The following MGST1 variants were observed in gnomAD, a reference collection of about 807,000 sequenced individuals.
The protein encoded by MGST1 is microsomal glutathione S-transferase 1.
MGST1 carries 5 observed loss-of-function variants against 8.9 expected under a neutral mutation model. The observed-to-expected ratio is 0.56, with a 90% CI of 0.29 to 1.19. The LOEUF (loss-of-function observed/expected upper bound fraction) is 1.19. Ranked by LOEUF, MGST1 falls within the 50% of genes most tolerant of loss-of-function variation. MGST1 has a pLI of 0.08. For synonymous variants in MGST1, 54 were observed against 67.8 expected (o/e 0.80, Z 1.00); for missense variants, 182 against 187.4 (o/e 0.97, Z 0.17).
intron 4 of MGST1, among the ~76,000 whole-genome samples, chr12:16,509,405 A>AAAACACT (rs1390869048): frequency 4.6e-5 from 7 of 152,076 alleles, no homozygotes; most frequent in African/African-American, 1.4e-4. Context: ...GGATTTTCAT[A>AAAACACT]GTGTTTAGCA....
chr12:16,359,573 A>C (rs1410159795), intron 3 of MGST1, among the ~76,000 whole-genome samples: 1 of 152,248 alleles, frequency 6.6e-6, no homozygotes, highest in African/African-American at 2.4e-5. Flanking sequence ...AAACAGCAGA[A>C]CAATATCAAA....
At chr12:16,404,412 AT>A (rs1940683333) in intron 1 of MGST1, among the ~76,000 whole-genome samples, 1 of 152,028 alleles carries the variant, frequency 6.6e-6, no homozygotes, top group Admixed American at 6.5e-5. Flanking sequence ...TTTACAGTGC[AT>A]TTAGTTCATT....
rs192001172 is a variant in MGST1, at chr12:16,548,950, C to T, written n.483-40578C>T. On this transcript the variant is annotated intron_variant and non_coding_transcript_variant, in intron 4 of 4. Coordinates refer to the MGST1 transcript ENST00000538857. This position sits in a 1 kb window ranked among gnomAD's most constrained non-coding sequence, Gnocchi z 4.2. Reference sequence around the variant, plus strand: ...AGCAGTGAAAACCTTGTTTGGTCTTCCAGTGGCAAGGATAGTTGAACAACT... The same window carrying T: ...AGCAGTGAAAACCTTGTTTGGTCTTTCAGTGGCAAGGATAGTTGAACAACT... The T allele has an allele frequency of 5.3e-5, 8 of 152,200 alleles. No homozygotes were observed. 9.4% of individuals were successfully genotyped at this position (152,200 alleles called of 1,614,324 possible). A position where few individuals can be genotyped will look rare whatever the true frequency, so the allele number is the denominator to read the frequency against.
chr12:16,529,426 G>A (rs537930650), intron 4 of MGST1, among the ~76,000 whole-genome samples: 1 of 152,196 alleles, frequency 6.6e-6, no homozygotes, highest in East Asian at 1.9e-4. Context: ...CAACAAGGCT[G>A]TCCATGATTC....
chr12:16,357,241 C>A (rs1458488708), intron 2 of MGST1, among the ~76,000 whole-genome samples: 2 of 152,036 alleles, frequency 1.3e-5, no homozygotes, highest in Non-Finnish European at 2.9e-5. Context: ...TAGAATATCC[C>A]CATGTTATTT....
intron 4 of MGST1, among the ~76,000 whole-genome samples, chr12:16,521,001 A>C (rs942683556): frequency 1.3e-5 from 2 of 152,078 alleles, no homozygotes; most frequent in Non-Finnish European, 1.5e-5. Flanking sequence ...TAATAAGCAC[A>C]CTTCCAATTC....
chr12:16,528,014 A>T (rs1056496255), intron 4 of MGST1, among the ~76,000 whole-genome samples: 2 of 152,030 alleles, frequency 1.3e-5, no homozygotes, highest in Non-Finnish European at 2.9e-5. Context: ...GTTTAAATCC[A>T]GATCTGTTGA....
chr12:16,476,645 G>A (rs1941325523), intron 4 of MGST1, among the ~76,000 whole-genome samples: 1 of 152,104 alleles, frequency 6.6e-6, no homozygotes, highest in Non-Finnish European at 1.5e-5. Context: ...CATTTTGTTG[G>A]TAACCCAACA....
chr12:16,540,991 A>G (rs1941789931), intron 4 of MGST1, among the ~76,000 whole-genome samples: 1 of 152,204 alleles, frequency 6.6e-6, no homozygotes, highest in Non-Finnish European at 1.5e-5. Flanking sequence ...CAATAAAACC[A>G]AATTAATTGA....
At chr12:16,445,606 T>C (rs1323408535) in intron 4 of MGST1, among the ~76,000 whole-genome samples, 1 of 151,956 alleles carries the variant, frequency 6.6e-6, no homozygotes, top group African/African-American at 2.4e-5. Context: ...ACTATTTTGG[T>C]CCTCTTTCTT....
chr12:16,368,563 A>G (rs751876742), downstream of MGST1, among the ~76,000 whole-genome samples: 4 of 152,084 alleles, frequency 2.6e-5, no homozygotes, highest in Non-Finnish European at 5.9e-5. Flanking sequence ...TGCTTTATTC[A>G]CTATATATTC....
chr12:16,495,863 T>G (rs1941467088), intron 4 of MGST1, among the ~76,000 whole-genome samples: 1 of 152,162 alleles, frequency 6.6e-6, no homozygotes, highest in Non-Finnish European at 1.5e-5. Context: ...ATCATTTGCT[T>G]TGAAATTTCA....
chr12:16,528,447 G>A (rs1047318297), intron 4 of MGST1, among the ~76,000 whole-genome samples: 1 of 151,960 alleles, frequency 6.6e-6, no homozygotes, highest in East Asian at 1.9e-4. Flanking sequence ...ATATTATTAT[G>A]CAAGCAAGAG....
chr12:16,461,905 A>C (rs1429835275), intron 4 of MGST1, among the ~76,000 whole-genome samples: 2 of 152,120 alleles, frequency 1.3e-5, no homozygotes, highest in African/African-American at 4.8e-5. Context: ...TACCAAGATG[A>C]TTAGTTGGCT....
chr12:16,479,362 G>C (rs1941348806), intron 4 of MGST1, among the ~76,000 whole-genome samples: 2 of 148,620 alleles, frequency 1.3e-5, no homozygotes, highest in African/African-American at 5.0e-5. Flanking sequence ...AGCCTCCCGA[G>C]TAGCTGGGAC....
chr12:16,461,251 A>T (rs188981300), intron 4 of MGST1, among the ~76,000 whole-genome samples: 44 of 151,836 alleles, frequency 2.9e-4, no homozygotes, highest in African/African-American at 9.6e-4. Flanking sequence ...TACTTATGGC[A>T]TTAAAGATGC....
chr12:16,527,499 T>C (rs1411750294), intron 4 of MGST1, among the ~76,000 whole-genome samples: 1 of 152,052 alleles, frequency 6.6e-6, no homozygotes, highest in East Asian at 1.9e-4. Context: ...TATGGAATTA[T>C]GGAGCAGGCA....
chr12:16,563,619 C>A (rs1039641721), intron 4 of MGST1, among the ~76,000 whole-genome samples: 3 of 152,066 alleles, frequency 2.0e-5, no homozygotes, highest in Non-Finnish European at 4.4e-5. Context: ...CTCCCACACT[C>A]GTTTATAAAG....
intron 4 of MGST1, among the ~76,000 whole-genome samples, chr12:16,506,406 A>G (rs1315010045): frequency 6.6e-6 from 1 of 152,186 alleles, no homozygotes; most frequent in East Asian, 1.9e-4. Context: ...TTTGCTACAC[A>G]AACATCTCTG....
Sources: allele counts gnomAD v4.1 joint callset (sites outside exome capture counted in the v4.1 genomes callset), GRCh38; gene constraint gnomAD v4.1.1; non-coding constraint Gnocchi (gnomAD v3.1); transcripts MANE v1.5; gene names NCBI Gene and HGNC (gene_info 2026-07-23, HGNC 2026-07-21).